The following KIAA1328 variants were observed in gnomAD, a reference collection of about 807,000 sequenced individuals.
KIAA1328 encodes KIAA1328.
In KIAA1328, 52 loss-of-function variants were observed where a neutral mutation model predicts 68.1. That is an observed-to-expected ratio of 0.76 (90% CI 0.61 to 0.96). The LOEUF is 0.96. Ranked by LOEUF, KIAA1328 falls within the 40% of genes least tolerant of loss-of-function variation. KIAA1328 has a pLI of 0.00. For synonymous variants in KIAA1328, 232 were observed against 239.4 expected (o/e 0.97, Z 0.28); for missense variants, 641 against 677.6 (o/e 0.95, Z 0.60).
intron 4 of KIAA1328, among the ~76,000 whole-genome samples, chr18:36,846,767 G>T (rs930208657): frequency 6.6e-6 from 1 of 151,278 alleles, no homozygotes; most frequent in Non-Finnish European, 1.5e-5. Context: ...GTTTGGATGG[G>T]GGGTGGTAAA....
chr18:36,965,414 A>G (rs1426320776), intron 6 of KIAA1328, among the ~76,000 whole-genome samples: 1 of 151,252 alleles, frequency 6.6e-6, no homozygotes, highest in African/African-American at 2.4e-5. Flanking sequence ...TTGCCTCTAT[A>G]GTGTTATTAA....
intron 4 of KIAA1328, among the ~76,000 whole-genome samples, chr18:36,867,336 G>A (rs990936719): frequency 1.3e-5 from 2 of 152,182 alleles, no homozygotes; most frequent in Non-Finnish European, 2.9e-5. Flanking sequence ...GTGCCAGTTT[G>A]CCTTCTGCTG....
Position 36,829,169 on chromosome 18 carries a change from A to C in KIAA1328, c.31A>C (p.Ser11Arg), listed in dbSNP as rs867402998. 59 of 1,526,042 alleles carry C rather than the reference A, an allele frequency of 3.9e-5. 1 individual carries two copies. The Middle Eastern group carries it at 1.1e-3, about 28-fold the overall frequency. The allele number at this position is 1,526,042 out of a possible 1,614,324, so 94.5% of individuals were successfully genotyped here. A position where few individuals can be genotyped will look rare whatever the true frequency, so the allele number is the denominator to read the frequency against. The change falls in exon 1 of 10, where the codon AGT (serine) becomes CGT (arginine). Residue 11 changes from serine (S) to arginine (R), a missense_variant. By Grantham distance (110) the Ser-to-Arg change is moderately radical (BLOSUM62 -1). Coordinates refer to ENST00000280020, the MANE Select transcript of KIAA1328 (RefSeq NM_020776.3). ...GGACGTGGCGGGCCCCTCCCGCCCC[A>C]GTGCCGCGGCGTTCTGGAGCCGGGA... MADVAGPSRPSAAAFWSRDFS... is the reference protein window; with the variant it reads MADVAGPSRPRAAAFWSRDFS...
chr18:37,034,189 A>G (rs1568318717), intron 6 of KIAA1328, among the ~76,000 whole-genome samples: 2 of 152,188 alleles, frequency 1.3e-5, no homozygotes, highest in Admixed American at 6.5e-5. Context: ...AGTGCATAGT[A>G]ATAAAACTTA....
At chr18:37,000,891 CA>C (rs2053564878) in intron 6 of KIAA1328, among the ~76,000 whole-genome samples, 1 of 151,874 alleles carries the variant, frequency 6.6e-6, no homozygotes, top group African/African-American at 2.4e-5. Context: ...ACAGCAAAAG[CA>C]GCACCAAGAG....
intron 5 of KIAA1328, among the ~76,000 whole-genome samples, chr18:36,909,326 C>G (rs569522477): frequency 7.3e-6 from 1 of 137,492 alleles, no homozygotes; most frequent in South Asian, 2.5e-4. Flanking sequence ...TGTTCCCCTT[C>G]TTGTGTCCAC....
chr18:36,918,324 T>A (rs1233209543), intron 5 of KIAA1328, among the ~76,000 whole-genome samples: 1 of 152,136 alleles, frequency 6.6e-6, no homozygotes, highest in Non-Finnish European at 1.5e-5. Context: ...GCTCTAGTAT[T>A]TATTTCCTTC....
At chr18:36,915,956 A>C (rs765589366) in intron 5 of KIAA1328, among the ~76,000 whole-genome samples, 1 of 152,202 alleles carries the variant, frequency 6.6e-6, no homozygotes, top group Non-Finnish European at 1.5e-5. Flanking sequence ...GGGTGAATAC[A>C]AACAGGTAGA....
chr18:36,933,662 G>A (rs1436775384), intron 5 of KIAA1328, among the ~76,000 whole-genome samples: 3 of 152,222 alleles, frequency 2.0e-5, no homozygotes, highest in Non-Finnish European at 4.4e-5. Context: ...CCTCTGGGTT[G>A]GGCACCAGCT....
At chr18:37,096,751 T>C (rs1408089281) in intron 7 of KIAA1328, among the ~76,000 whole-genome samples, 1 of 152,242 alleles carries the variant, frequency 6.6e-6, no homozygotes, top group African/African-American at 2.4e-5. Context: ...TCCTGACTTT[T>C]TAATGATTGC....
downstream of KIAA1328, among the ~76,000 whole-genome samples, chr18:37,228,330 T>C (rs1037007259): frequency 4.6e-5 from 7 of 152,204 alleles, no homozygotes; most frequent in Non-Finnish European, 1.5e-5. Flanking sequence ...TTGAAAGATG[T>C]TCTACAGTGG....
At chr18:37,053,344 A>G (rs2055778829) in intron 6 of KIAA1328, among the ~76,000 whole-genome samples, 1 of 152,238 alleles carries the variant, frequency 6.6e-6, no homozygotes, top group South Asian at 2.1e-4. Context: ...CTCAAGATGG[A>G]CTAAAGACTT....
At chr18:37,077,434 G>A (rs1370765645) in intron 7 of KIAA1328, among the ~76,000 whole-genome samples, 2 of 149,380 alleles carry the variant, frequency 1.3e-5, no homozygotes, top group East Asian at 1.9e-4. Context: ...AGACAGGGAT[G>A]CCCTCTCTCA....
chr18:37,162,022 T>C (rs1599471688), intron 8 of KIAA1328, among the ~76,000 whole-genome samples: 1 of 152,196 alleles, frequency 6.6e-6, no homozygotes, highest in South Asian at 2.1e-4. Flanking sequence ...TGAAACAAAA[T>C]CATTTTTGAC....
intron 4 of KIAA1328, among the ~76,000 whole-genome samples, chr18:36,882,567 G>C (rs1213723147): frequency 6.6e-6 from 1 of 152,086 alleles, no homozygotes; most frequent in Non-Finnish European, 1.5e-5. Flanking sequence ...AATACAGTTT[G>C]TTAATTTTGT....
intron 4 of KIAA1328, among the ~76,000 whole-genome samples, chr18:36,878,616 T>G (rs1193139077): frequency 6.6e-6 from 1 of 152,236 alleles, no homozygotes; most frequent in Non-Finnish European, 1.5e-5. Flanking sequence ...GTTTTCCAAC[T>G]TGGTTCCATT....
At chr18:36,934,735 GACTA>G (rs2050439609) in intron 5 of KIAA1328, among the ~76,000 whole-genome samples, 1 of 151,868 alleles carries the variant, frequency 6.6e-6, no homozygotes, top group South Asian at 2.1e-4. Flanking sequence ...ATTTTTGTGA[GACTA>G]ACTTTTACCC....
Position 36,835,394 on chromosome 18 carries a change from CT to C in KIAA1328, c.237+27del, listed in dbSNP as rs771760457. The C allele has an allele frequency of 6.9e-5, 109 of 1,578,342 alleles. No individual in the cohort carries two copies. The highest frequency in any genetic ancestry group is 2.3e-4 in the Admixed American group (13 of 56,128). On this transcript the variant is annotated intron_variant, in intron 3 of 9. Transcript: ENST00000280020. ...ATGAACAGGTTAGTATTTTTTTCGT[CT>C]TTTTTTTTCCTTGCTCTCCAGTCTT... is the stretch of plus-strand genomic sequence containing the variant.
intron 6 of KIAA1328, among the ~76,000 whole-genome samples, chr18:37,013,172 A>G (rs2054034250): frequency 6.6e-6 from 1 of 152,190 alleles, no homozygotes. Flanking sequence ...TTTCAGAGAC[A>G]GGATAGGGTA....
Sources: allele counts gnomAD v4.1 joint callset (sites outside exome capture counted in the v4.1 genomes callset), GRCh38; gene constraint gnomAD v4.1.1; transcripts MANE v1.5; gene names NCBI Gene and HGNC (gene_info 2026-07-23, HGNC 2026-07-21).